The following LRIG1 variants were observed in gnomAD, a reference collection of about 807,000 sequenced individuals.
LRIG1 encodes leucine-rich repeats and immunoglobulin-like domains protein 1.
A neutral mutation model predicts 99.2 loss-of-function variants in LRIG1; 48 were observed. The ratio of observed to expected loss-of-function variants is 0.48; its 90% CI spans 0.38 to 0.62. LRIG1 has a LOEUF of 0.62. Among genes scored for constraint, LRIG1 ranks in the 20% least tolerant of loss-of-function variants. LRIG1 has a pLI of 0.00. For synonymous variants in LRIG1, 772 were observed against 596.1 expected (o/e 1.29, Z -4.30); for missense variants, 1,646 against 1,434.4 (o/e 1.15, Z -2.38).
intron 3 of LRIG1, among the ~76,000 whole-genome samples, chr3:66,427,929 T>C (rs564482961): frequency 6.6e-6 from 1 of 152,348 alleles, no homozygotes; most frequent in South Asian, 2.1e-4. Flanking sequence ...TCAACATTGT[T>C]TATGAGATCC....
At chr3:66,423,768 C>T (rs1419846845) in intron 3 of LRIG1, among the ~76,000 whole-genome samples, 1 of 152,154 alleles carries the variant, frequency 6.6e-6, no homozygotes, top group African/African-American at 2.4e-5. Flanking sequence ...AGGTTCAAAT[C>T]CCAGCTATCC....
intron 3 of LRIG1, among the ~76,000 whole-genome samples, chr3:66,435,120 A>G (rs1056080393): frequency 2.6e-5 from 4 of 152,370 alleles, no homozygotes; most frequent in Admixed American, 2.0e-4. Context: ...AAAGGAATGG[A>G]ACGACACATA....
At chr3:66,431,210 T>A (rs901419860) in intron 3 of LRIG1, among the ~76,000 whole-genome samples, 21 of 152,350 alleles carry the variant, frequency 1.4e-4, no homozygotes, top group Non-Finnish European at 2.5e-4. Context: ...AGGGCACATG[T>A]GTCCCTGCCT....
rs139936624 is a variant in LRIG1 at position 66,451,490 on chromosome 3, G to T, written c.365+69C>A. The T allele has an allele frequency of 1.4e-3, 1,885 of 1,329,554 alleles. 16 individuals are homozygous for T. The African/African-American group carries it at 0.021, about 15-fold the overall frequency. 82.4% of individuals were successfully genotyped at this position (1,329,554 alleles called of 1,614,324 possible). ...TGAACTCAAGTTATCCTGCCACCAG[G>T]TATCAGCAAGGCAACAAACACCATG... On this transcript the variant is annotated intron_variant, in intron 3 of 18. Transcript: ENST00000273261.
At chr3:66,411,137 A>G (rs1309007319) in intron 6 of LRIG1, among the ~76,000 whole-genome samples, 2 of 152,208 alleles carry the variant, frequency 1.3e-5, no homozygotes, top group Non-Finnish European at 2.9e-5. Flanking sequence ...CCCACCGTGT[A>G]AGTGTGCTAG....
intron 1 of LRIG1, among the ~76,000 whole-genome samples, chr3:66,477,865 T>C (rs1291861028): frequency 4.7e-5 from 5 of 106,858 alleles, no homozygotes; most frequent in Middle Eastern, 5.9e-3. Context: ...CACTACAGGA[T>C]AGGAGTGGCC....
At chr3:66,449,976 A>C (rs753468022) in intron 3 of LRIG1, among the ~76,000 whole-genome samples, 10 of 152,240 alleles carry the variant, frequency 6.6e-5, no homozygotes, top group Non-Finnish European at 1.5e-4. Context: ...CTGATGGTCC[A>C]TGACCTGTGC....
At chr3:66,422,672 C>A (rs1359507788) in intron 3 of LRIG1, among the ~76,000 whole-genome samples, 1 of 152,242 alleles carries the variant, frequency 6.6e-6, no homozygotes, top group African/African-American at 2.4e-5. Flanking sequence ...GTGCTCCAAC[C>A]TCTGCCTGTT....
At chr3:66,446,383 A>G (rs1703724600) in intron 3 of LRIG1, among the ~76,000 whole-genome samples, 1 of 148,010 alleles carries the variant, frequency 6.8e-6, no homozygotes, top group Admixed American at 6.7e-5. Context: ...TAAGTATCCT[A>G]TCCTCTCCCG....
At chr3:66,448,661 T>G (rs1703802349) in intron 3 of LRIG1, among the ~76,000 whole-genome samples, 1 of 152,222 alleles carries the variant, frequency 6.6e-6, no homozygotes, top group African/African-American at 2.4e-5. Flanking sequence ...TTTTCTGTGA[T>G]GCATCTACCT....
At chr3:66,406,993 G>A (rs1263262976) in intron 8 of LRIG1, among the ~76,000 whole-genome samples, 1 of 152,130 alleles carries the variant, frequency 6.6e-6, no homozygotes, top group African/African-American at 2.4e-5. Flanking sequence ...ACTGACCCAC[G>A]GCTGCCGAAC....
chr3:66,447,387 TA>T (rs911382135), intron 3 of LRIG1, among the ~76,000 whole-genome samples: 4 of 151,864 alleles, frequency 2.6e-5, no homozygotes, highest in African/African-American at 9.7e-5. Context: ...CTTATCTCAT[TA>T]AAAAAAATAG....
At position 66,407,567 on chromosome 3, in the gene LRIG1, ACAGT is replaced by A. The variant is rs536657434; in HGVS notation, c.936-80_936-77del. On this transcript the variant is annotated intron_variant, in intron 7 of 18. Coordinates refer to ENST00000273261, the MANE Select transcript of LRIG1 (RefSeq NM_015541.3). ...ACCCCACCCCACCGGAAATTGGGCC[ACAGT>A]CAGCTGGGTTTCAGTGGGAAATGAC... The A allele has an allele frequency of 4.1e-5, 64 of 1,557,130 alleles. 1 individual carries two copies. In the Middle Eastern group the frequency reaches 2.9e-3, roughly 70 times the overall value.
At chr3:66,411,534 C>T (rs1029369232) in intron 6 of LRIG1, among the ~76,000 whole-genome samples, 2 of 152,062 alleles carry the variant, frequency 1.3e-5, no homozygotes, top group Non-Finnish European at 2.9e-5. Context: ...ATATGTAAAA[C>T]AAAGGGTGGA....
intron 3 of LRIG1, among the ~76,000 whole-genome samples, chr3:66,430,152 T>G (rs1035431453): frequency 6.7e-6 from 1 of 149,998 alleles, no homozygotes; most frequent in African/African-American, 2.5e-5. Flanking sequence ...CAAGGAACAT[T>G]ACTCAGGAAA....
chr3:66,426,552 A>G (rs950379332), intron 3 of LRIG1, among the ~76,000 whole-genome samples: 4 of 152,172 alleles, frequency 2.6e-5, no homozygotes, highest in African/African-American at 7.2e-5. Context: ...AAACTTTCCC[A>G]TTGTCCCTCC....
intron 7 of LRIG1, 61 bp downstream of exon 7, chr3:66,410,068 C>T (rs62243251): frequency 1.3e-6 from 2 of 1,535,996 alleles, no homozygotes; most frequent in Non-Finnish European, 1.8e-6. Context: ...CCAGGCCTAG[C>T]ACTTTCACCT....
intron 11 of LRIG1, among the ~76,000 whole-genome samples, chr3:66,396,064 T>TA (rs1429773678): frequency 1.3e-5 from 2 of 152,246 alleles, no homozygotes; most frequent in Non-Finnish European, 2.9e-5. Context: ...TAGAAAGGGC[T>TA]AAGCCTCATC....
At chr3:66,443,411 T>C (rs987440998) in intron 3 of LRIG1, among the ~76,000 whole-genome samples, 2 of 151,682 alleles carry the variant, frequency 1.3e-5, no homozygotes, top group African/African-American at 4.8e-5. Context: ...GAATTAGCCA[T>C]GTCCTTTTGG....
Sources: allele counts gnomAD v4.1 joint callset (sites outside exome capture counted in the v4.1 genomes callset), GRCh38; gene constraint gnomAD v4.1.1; transcripts MANE v1.5; gene names NCBI Gene and HGNC (gene_info 2026-07-23, HGNC 2026-07-21).